Variants in PSMA6 observed in about 807,000 individuals in gnomAD.
PSMA6 encodes the protein proteasome 20S subunit alpha 6.
For missense variants in PSMA6, 170 were observed against 294.8 expected (o/e 0.58, Z 3.10); for synonymous variants, 88 against 97.7 (o/e 0.90, Z 0.59).
intron 1 of PSMA6, 71 bp downstream of exon 1, chr14:35,292,623 C>G (rs772477535): frequency 6.4e-7 from 1 of 1,573,850 alleles, no homozygotes; most frequent in African/African-American, 1.4e-5. Context: ...AGCGAGCAGA[C>G]GCGGCCCGGG....
At chr14:35,286,225 A>G (rs1247223744) in intron 1 of PSMA6, among the ~76,000 whole-genome samples, 1 of 152,250 alleles carries the variant, frequency 6.6e-6, no homozygotes, top group Non-Finnish European at 1.5e-5. Context: ...CACTCAGAGC[A>G]GAACCTGACC....
chr14:35,307,569 A>C (rs1443217174), intron 1 of PSMA6, among the ~76,000 whole-genome samples: 1 of 152,128 alleles, frequency 6.6e-6, no homozygotes, highest in Non-Finnish European at 1.5e-5. Flanking sequence ...CCCCGTCTCT[A>C]GTAAAAATAC....
chr14:35,311,088 C>CTAA (rs2051935212), intron 4 of PSMA6, 193 bp downstream of exon 4: 2 of 518,058 alleles, frequency 3.9e-6, no homozygotes, highest in Non-Finnish European at 6.6e-6. Context: ...TATCTTTAAG[C>CTAA]TTTAGATGCT....
At chr14:35,297,604 C>T (rs956248085) in intron 1 of PSMA6, among the ~76,000 whole-genome samples, 1 of 152,010 alleles carries the variant, frequency 6.6e-6, no homozygotes, top group African/African-American at 2.4e-5. Context: ...ATTTACATCC[C>T]GAAACTCTAC....
rs553261658 is a variant in PSMA6, at chr14:35,283,141, A to G, written c.19+4423A>G. ...TTACAGGCGTGAGCCACCGTGCCCC[A>G]CCGATACTTTGTACATTGGCATAGA... On this transcript the variant is annotated intron_variant, in intron 1 of 6. Transcript: ENST00000540871. 2.6e-5 allele frequency among the ~76,000 whole-genome samples: 4 copies of G among 152,050 alleles called. No homozygotes were observed. In the East Asian group the frequency reaches 7.9e-4, roughly 30 times the overall value.
At position 35,308,007 on chromosome 14, in the gene PSMA6, G is replaced by A. The variant is rs56242901; in HGVS notation, c.90G>A (p.Lys30=). 2.6e-4 allele frequency: 427 copies of A among 1,613,912 alleles called. No homozygotes were observed. Among genetic ancestry groups the A allele is most frequent in the Non-Finnish European group, 1.2e-4 (146 of 1,179,902 alleles). ...TCTGTTTTCCAGAATATGCTTTTAA[G>A]GCTATTAACCAGGGTGGCCTTACAT... ...GRLYQVEYAF[K]AINQGGLTSV... is the part of the protein sequence containing the mutation. Residue 30 remains lysine, a synonymous_variant, in exon 2 of 7, where the codon AAG becomes AAA. Transcript: ENST00000261479.
upstream of PSMA6, among the ~76,000 whole-genome samples, chr14:35,289,242 G>A (rs1184695638): frequency 6.6e-6 from 1 of 152,176 alleles, no homozygotes; most frequent in South Asian, 2.1e-4. Context: ...AGTTGTCTGA[G>A]CTGTATCAGT....
intron 4 of PSMA6, 151 bp from the exon 5 acceptor site, chr14:35,312,730 C>A: frequency 3.4e-6 from 2 of 581,292 alleles, no homozygotes; most frequent in Non-Finnish European, 5.8e-6. Flanking sequence ...TGGTGATAAC[C>A]TGTATTTTAT....
chr14:35,305,509 C>T (rs1032161806), intron 1 of PSMA6, among the ~76,000 whole-genome samples: 5 of 152,120 alleles, frequency 3.3e-5, no homozygotes, highest in Non-Finnish European at 5.9e-5. Flanking sequence ...AATAGTTAGC[C>T]ATTTAGAAAT....
chr14:35,292,699 T>G, intron 1 of PSMA6, 147 bp downstream of exon 1: 12 of 1,400,972 alleles, frequency 8.6e-6, no homozygotes, highest in Non-Finnish European at 1.1e-5. Flanking sequence ...GATTGAGCTC[T>G]GTGGTGTTTG....
rs756325029 is a variant in PSMA6 at position 35,310,723 on chromosome 14, GT to G, written c.254-11del. On this transcript the variant is annotated splice_polypyrimidine_tract_variant and intron_variant, in intron 3 of 6. Transcript: ENST00000261479. Reference sequence around the variant, plus strand: ...TTTCCTTCTAACCAGGTAAATCTTTGTTTTTTATGCTATAAGCTGACAGCAG... The same window carrying G: ...TTTCCTTCTAACCAGGTAAATCTTTGTTTTTATGCTATAAGCTGACAGCAG... 1 of 1,610,852 alleles carries G rather than the reference GT, an allele frequency of 6.2e-7. No individual in the cohort carries two copies. The highest frequency in any genetic ancestry group is 1.1e-5 in the South Asian group (1 of 90,732).
rs984057962 is a variant in PSMA6 at position 35,292,413 on chromosome 14, T to C, written c.-64T>C. 1.5e-5 allele frequency: 23 copies of C among 1,571,794 alleles called. No individual in the cohort carries two copies. The Admixed American group carries it at 2.4e-4, about 17-fold the overall frequency. ...AGTCGCTGCAACTTCCGGGAGGTGC[T>C]TGTGTGCCTGGTGCGGGAGCTACGG... On this transcript the variant is annotated 5_prime_UTR_variant, in exon 1 of 7. Coordinates refer to ENST00000261479, the MANE Select transcript of PSMA6 (RefSeq NM_002791.3).
intron 4 of PSMA6, 57 bp from the exon 5 acceptor site, chr14:35,312,824 G>T: frequency 7.0e-7 from 1 of 1,438,684 alleles, no homozygotes. Context: ...CACCAAGAAA[G>T]AGGAGATGTC....
chr14:35,296,064 C>T (rs1393718766), intron 1 of PSMA6, among the ~76,000 whole-genome samples: 2 of 151,986 alleles, frequency 1.3e-5, no homozygotes, highest in Non-Finnish European at 1.5e-5. Flanking sequence ...AAGAAGGGAG[C>T]GTGCTGATAG....
intron 1 of PSMA6, among the ~76,000 whole-genome samples, chr14:35,297,123 T>TG (rs1555336532): frequency 2.1e-5 from 3 of 139,910 alleles, no homozygotes; most frequent in Admixed American, 7.1e-5. Flanking sequence ...AACAAAGTTT[T>TG]TTTTTTTTTT....
At chr14:35,312,494 G>A (rs574942635) in intron 4 of PSMA6, among the ~76,000 whole-genome samples, 5 of 131,284 alleles carry the variant, frequency 3.8e-5, no homozygotes, top group Non-Finnish European at 7.7e-5. Context: ...GAGACAGAGC[G>A]AGAGTCTGTC....
intron 1 of PSMA6, among the ~76,000 whole-genome samples, chr14:35,298,449 TGCTGCACTCTA>T (rs1469349142): frequency 6.6e-6 from 1 of 151,556 alleles, no homozygotes; most frequent in African/African-American, 2.4e-5. Context: ...GAGATCGCAC[TGCTGCACTCTA>T]GCCTGGGCAA....
chr14:35,308,607 C>T (rs1022671996), intron 2 of PSMA6, among the ~76,000 whole-genome samples: 6 of 152,078 alleles, frequency 3.9e-5, no homozygotes, highest in Non-Finnish European at 7.4e-5. Context: ...AACTTCATGG[C>T]GTGATTATAA....
chr14:35,305,585 A>C (rs1275228478), intron 1 of PSMA6, among the ~76,000 whole-genome samples: 1 of 152,238 alleles, frequency 6.6e-6, no homozygotes, highest in Non-Finnish European at 1.5e-5. Flanking sequence ...TAGCTTTCTT[A>C]GCTGGTCGTC....
Sources: allele counts gnomAD v4.1 joint callset (sites outside exome capture counted in the v4.1 genomes callset), GRCh38; gene constraint gnomAD v4.1.1; transcripts MANE v1.5; gene names NCBI Gene and HGNC (gene_info 2026-07-23, HGNC 2026-07-21).